The following DNAJB1 variants were observed in gnomAD, a reference collection of about 807,000 sequenced individuals.
DNAJB1 encodes the protein DnaJ heat shock protein family (Hsp40) member B1.
In DNAJB1, 14 loss-of-function variants were observed where a neutral mutation model predicts 24.0. The observed-to-expected ratio is 0.58, with a 90% CI of 0.39 to 0.91. The LOEUF (loss-of-function observed/expected upper bound fraction) is 0.91. Ranked by LOEUF, DNAJB1 falls within the 40% of genes least tolerant of loss-of-function variation. The pLI is 0.00. For missense variants in DNAJB1, 517 were observed against 458.1 expected, an observed-to-expected ratio of 1.13 and a Z score of -1.17; for synonymous variants, 262 against 174.4, an observed-to-expected ratio of 1.50 and a Z score of -3.96.
At chr19:14,555,438 C>CTTT (rs747503834) in intron 1 of DNAJB1, among the ~76,000 whole-genome samples, 13 of 92,902 alleles carry the variant, frequency 1.4e-4, no homozygotes, top group East Asian at 3.2e-4. Context: ...TTTATTTATT[C>CTTT]TTTTTTTTTT....
chr19:14,519,615 T>C (rs183464501), upstream of DNAJB1, among the ~76,000 whole-genome samples: 1 of 152,296 alleles, frequency 6.6e-6, no homozygotes, highest in Non-Finnish European at 1.5e-5. Flanking sequence ...TGGCTTTCAA[T>C]GTGTCTTCCC....
upstream of DNAJB1, among the ~76,000 whole-genome samples, chr19:14,551,930 TC>T (rs2073526886): frequency 9.2e-6 from 1 of 108,188 alleles, no homozygotes; most frequent in Admixed American, 9.0e-5. Context: ...TCCCTCCCTC[TC>T]TCTCTCCCTC....
chr19:14,541,569 CCA>C (rs2073098689), intron 1 of DNAJB1, among the ~76,000 whole-genome samples: 1 of 152,158 alleles, frequency 6.6e-6, no homozygotes, highest in Non-Finnish European at 1.5e-5. Flanking sequence ...GATGAACGAA[CCA>C]CATTCTCTGT....
chr19:14,529,569 AGGGGC>A (rs980459706), upstream of DNAJB1: 1 of 1,441,340 alleles, frequency 6.9e-7, no homozygotes, highest in Non-Finnish European at 9.7e-7. Flanking sequence ...CGCGGCCTGG[AGGGGC>A]GGGGCGGACG....
At chr19:14,520,881 T>C (rs2072352223), upstream of DNAJB1, among the ~76,000 whole-genome samples, 1 of 151,842 alleles carries the variant, frequency 6.6e-6, no homozygotes, top group Non-Finnish European at 1.5e-5. Context: ...TAGTCCCAGC[T>C]ACTCAGTGGA....
chr19:14,521,369 G>A (rs1467173936), upstream of DNAJB1, among the ~76,000 whole-genome samples: 7 of 151,900 alleles, frequency 4.6e-5, no homozygotes, highest in African/African-American at 7.2e-5. Flanking sequence ...TGAGGCATGA[G>A]ACTCGCTTCA....
intron 2 of DNAJB1, among the ~76,000 whole-genome samples, chr19:14,524,939 T>C (rs1472089682): frequency 7.0e-6 from 1 of 143,676 alleles, no homozygotes; most frequent in East Asian, 2.1e-4. Flanking sequence ...CCTTTGTTCA[T>C]ATATAAAAAT....
chr19:14,517,807 G>C, intron 1 of DNAJB1: 2 of 243,208 alleles, frequency 8.2e-6, no homozygotes, highest in East Asian at 7.5e-5. Context: ...CGGGTCCGCA[G>C]CGGGCTCCGC....
At chr19:14,554,020 G>A (rs2073631869), upstream of DNAJB1, among the ~76,000 whole-genome samples, 1 of 152,210 alleles carries the variant, frequency 6.6e-6, no homozygotes, top group Non-Finnish European at 1.5e-5. Context: ...GCCTGCCGGA[G>A]CTTTGAGCTC....
At chr19:14,556,923 ATTG>A (rs2073748010) in intron 1 of DNAJB1, among the ~76,000 whole-genome samples, 1 of 151,754 alleles carries the variant, frequency 6.6e-6, no homozygotes, top group Admixed American at 6.6e-5. Context: ...GTATCTCGCT[ATTG>A]TTAGGGTTTG....
At chr19:14,535,274 G>T (rs982035225) in intron 1 of DNAJB1, among the ~76,000 whole-genome samples, 1 of 151,694 alleles carries the variant, frequency 6.6e-6, no homozygotes, top group Admixed American at 6.6e-5. Flanking sequence ...TTGGGAGGCC[G>T]AGGTGGGTGA....
chr19:14,543,432 TTTTTTTTTTTTTTTTTTTTTTTTTG>T (rs1568406139), intron 1 of DNAJB1, among the ~76,000 whole-genome samples: 1 of 29,074 alleles, frequency 3.4e-5, no homozygotes, highest in African/African-American at 1.1e-4. Flanking sequence ...TTTTTTTTTT[TTTTTTTTTTTTTTTTTTTTTTTTTG>T]AGACGGAGTC....
chr19:14,544,098 G>A (rs527469417), intron 1 of DNAJB1, among the ~76,000 whole-genome samples: 1 of 152,134 alleles, frequency 6.6e-6, no homozygotes, highest in East Asian at 1.9e-4. Flanking sequence ...GGACAGAGCT[G>A]GAGAATCCCT....
chr19:14,558,680 C>T (rs1374448303), intron 1 of DNAJB1, among the ~76,000 whole-genome samples: 1 of 152,130 alleles, frequency 6.6e-6, no homozygotes, highest in Non-Finnish European at 1.5e-5. Flanking sequence ...ACCCCTTGCC[C>T]GTGGCCAGTG....
chr19:14,521,976 TAAAC>T (rs904925061), upstream of DNAJB1, among the ~76,000 whole-genome samples: 21 of 152,128 alleles, frequency 1.4e-4, no homozygotes, highest in Admixed American at 5.9e-4. Flanking sequence ...GCCAGGAAAT[TAAAC>T]AAACAAACAA....
chr19:14,559,050 G>C (rs1186499022), intron 1 of DNAJB1, among the ~76,000 whole-genome samples: 1 of 152,246 alleles, frequency 6.6e-6, no homozygotes, highest in East Asian at 1.9e-4. Context: ...CGGAGCCCTC[G>C]ATGAGGTCTC....
intron 1 of DNAJB1, among the ~76,000 whole-genome samples, chr19:14,556,804 G>A (rs1325643254): frequency 6.6e-6 from 1 of 152,208 alleles, no homozygotes; most frequent in Non-Finnish European, 1.5e-5. Context: ...TCCAGCAGGC[G>A]GGAGTAAGTC....
chr19:14,559,082 G>A (rs1005375793), intron 1 of DNAJB1, among the ~76,000 whole-genome samples: 3 of 152,156 alleles, frequency 2.0e-5, no homozygotes, highest in African/African-American at 7.2e-5. Context: ...TCCCTCTGAG[G>A]GGTGGGGAAC....
chr19:14,547,535 T>C (rs184599292), intron 1 of DNAJB1, among the ~76,000 whole-genome samples: 1 of 152,250 alleles, frequency 6.6e-6, no homozygotes, highest in East Asian at 1.9e-4. Context: ...TAATTTTTTG[T>C]ATTTTCAGTC....
Sources: gnomAD v4.1 joint callset for allele counts (sites outside exome capture counted in the v4.1 genomes callset) on GRCh38, gnomAD v4.1.1 for gene constraint, MANE v1.5 for transcripts, NCBI Gene and HGNC (gene_info 2026-07-23, HGNC 2026-07-21) for gene names.